The following AP1G1 variants were observed in gnomAD, a reference collection of about 807,000 sequenced individuals.
AP1G1 encodes the protein adaptor related protein complex 1 subunit gamma 1, also known as AP-1 complex subunit gamma-1.
Under a neutral mutation model 108.3 loss-of-function variants are expected in AP1G1, and 7 were observed. The observed-to-expected ratio is 0.06, with a 90% CI of 0.04 to 0.12. The LOEUF (loss-of-function observed/expected upper bound fraction) is 0.12. Ranked by LOEUF, AP1G1 falls within the 10% of genes least tolerant of loss-of-function variation. AP1G1 has a pLI of 1.00. For missense variants in AP1G1, 756 were observed against 1,010.7 expected (o/e 0.75, Z 3.42); for synonymous variants, 379 against 353.5 (o/e 1.07, Z -0.81).
chr16:71,799,059 G>A (rs911472843), intron 1 of AP1G1, among the ~76,000 whole-genome samples: 6 of 152,000 alleles, frequency 3.9e-5, no homozygotes, highest in African/African-American at 1.2e-4. Context: ...GCTATTATAC[G>A]TATCAAATAA....
At position 71,731,307 on chromosome 16, in the gene AP1G1, G is replaced by GT. The variant is rs2045472840; in HGVS notation, c.*1750dup. ...CACTAGTAAGACCAGAAACTTTCCC[G>GT]TGGAGCCTTTAGTTCAACTCCAGTT... On this transcript the variant is annotated 3_prime_UTR_variant, in exon 23 of 23. Coordinates refer to ENST00000299980, the MANE Select transcript of AP1G1 (RefSeq NM_001128.6). 1 of 152,584 alleles carries GT rather than the reference G, an allele frequency of 6.6e-6. No individual in the cohort carries two copies. The highest frequency in any genetic ancestry group is 1.5e-5 in the Non-Finnish European group (1 of 68,038). The allele number at this position is 152,584 out of a possible 1,614,324, so 9.5% of individuals were successfully genotyped here.
chr16:71,750,223 C>T lies in AP1G1; in HGVS notation c.1394G>A (p.Gly465Asp), dbSNP rs760808998. 4 of 1,613,664 alleles carry T rather than the reference C, an allele frequency of 2.5e-6. No homozygotes were observed. The highest frequency in any genetic ancestry group is 2.2e-5 in the East Asian group (1 of 44,878). ...TVQRLYKAIL[G>D]DYSQQPLVQV... is the part of the protein sequence containing the mutation. Reference sequence around the variant, plus strand: ...TGAAGTACTTACTTGAGAATAATCACCAAGAATTGCTTTGTACAGGCGCTG... The same window carrying T: ...TGAAGTACTTACTTGAGAATAATCATCAAGAATTGCTTTGTACAGGCGCTG... Residue 465 changes from glycine to aspartate, a missense_variant, in exon 14 of 23, where the codon GGT (glycine) becomes GAT (aspartate). By Grantham distance (94) the Gly-to-Asp change is moderately conservative. Transcript: ENST00000299980.
intron 1 of AP1G1, among the ~76,000 whole-genome samples, chr16:71,797,264 T>G (rs371127220): frequency 6.6e-6 from 1 of 152,148 alleles, no homozygotes; most frequent in East Asian, 1.9e-4. Flanking sequence ...ATAATTAATG[T>G]TGAAGGAGGT....
intron 1 of AP1G1, among the ~76,000 whole-genome samples, chr16:71,799,178 T>C (rs2032695035): frequency 6.6e-6 from 1 of 152,152 alleles, no homozygotes; most frequent in Non-Finnish European, 1.5e-5. Context: ...AGTGGTTTCA[T>C]GATATGGAGA....
chr16:71,779,823 G>A (rs996222188), intron 2 of AP1G1, among the ~76,000 whole-genome samples: 1 of 151,878 alleles, frequency 6.6e-6, no homozygotes, highest in Non-Finnish European at 1.5e-5. Context: ...GAACAGTTTC[G>A]CACACGGTCA....
chr16:71,774,326 T>C, intron 3 of AP1G1, 142 bp downstream of exon 3: 2 of 786,864 alleles, frequency 2.5e-6, no homozygotes, highest in Admixed American at 3.6e-5. Flanking sequence ...GGGAGGACGG[T>C]GGCAGCGGAG....
chr16:71,775,555 T>A (rs1354012406), intron 2 of AP1G1, among the ~76,000 whole-genome samples: 1 of 152,076 alleles, frequency 6.6e-6, no homozygotes, highest in African/African-American at 2.4e-5. Context: ...TTACATTAAA[T>A]GAGCACCTAA....
intron 13 of AP1G1, chr16:71,751,166 A>G (rs1462859081): frequency 6.6e-6 from 1 of 151,640 alleles, no homozygotes; most frequent in Admixed American, 6.6e-5. Context: ...AAAAAAAAAA[A>G]AAAAAAATTT....
rs768431205 is a variant in AP1G1, at chr16:71,765,472, C to T, written c.738+17G>A. 2.1e-5 allele frequency: 32 copies of T among 1,556,632 alleles called. No individual in the cohort carries two copies. The highest frequency in any genetic ancestry group is 3.4e-5 in the Admixed American group (2 of 58,668). ...AAATTCATATAACATTTATTTAAAA[C>T]GTTCTTTCAACCTCACCTGCAAAAA... is the stretch of plus-strand genomic sequence containing the variant. On this transcript the variant is annotated intron_variant, in intron 7 of 22. Transcript: ENST00000299980.
intron 19 of AP1G1, among the ~76,000 whole-genome samples, chr16:71,744,695 C>G (rs1454462203): frequency 1.3e-5 from 2 of 151,236 alleles, no homozygotes; most frequent in African/African-American, 4.9e-5. Context: ...CCTGCCTCAG[C>G]CTCCGGAGTA....
intron 9 of AP1G1, among the ~76,000 whole-genome samples, chr16:71,763,256 T>A (rs970862753): frequency 6.6e-6 from 1 of 152,170 alleles, no homozygotes; most frequent in Non-Finnish European, 1.5e-5. Context: ...GAGTAAAAAG[T>A]AGAAAAAACA....
chr16:71,761,216 C>A (rs2031067647), intron 10 of AP1G1, among the ~76,000 whole-genome samples: 1 of 152,092 alleles, frequency 6.6e-6, no homozygotes, highest in Non-Finnish European at 1.5e-5. Flanking sequence ...TGCTAAGGGG[C>A]AGAGGTGAGT....
intron 1 of AP1G1, among the ~76,000 whole-genome samples, chr16:71,804,221 A>AT (rs1357644650): frequency 6.7e-6 from 1 of 150,032 alleles, no homozygotes; most frequent in Non-Finnish European, 1.5e-5. Flanking sequence ...TAATTTTTCT[A>AT]TTTTTTTGTA....
Position 71,764,330 on chromosome 16 carries a change from A to G in AP1G1, c.918+20T>C. The G allele has an allele frequency of 6.7e-7, 1 of 1,485,360 alleles. No homozygotes were observed. Among genetic ancestry groups the G allele is most frequent in the Non-Finnish European group, 9.3e-7 (1 of 1,076,820 alleles). The allele number at this position is 1,485,360 out of a possible 1,614,324, so 92.0% of individuals were successfully genotyped here. ...AAGTGAAACATTTAGGGGGGGAAGA[A>G]AAGATTCAAAAAGACTTACTCGCAA... On this transcript the variant is annotated intron_variant, in intron 9 of 22. Coordinates refer to ENST00000299980, the MANE Select transcript of AP1G1 (RefSeq NM_001128.6).
rs2045460952 is a variant in AP1G1 at position 71,729,778 on chromosome 16, C to A, written c.*3280G>T. On this transcript the variant is annotated 3_prime_UTR_variant, in exon 23 of 23. Coordinates refer to ENST00000299980, the MANE Select transcript of AP1G1 (RefSeq NM_001128.6). ...CTCCCAACTACAAAGTTCATGAACA[C>A]CCACTTTTTCCTCTCTAGTTTTCTC... 1 of 152,618 alleles carries A rather than the reference C, an allele frequency of 6.6e-6. No individual in the cohort carries two copies. Among genetic ancestry groups the A allele is most frequent in the Non-Finnish European group, 1.5e-5 (1 of 68,034 alleles). The allele number at this position is 152,618 out of a possible 1,614,324, so 9.5% of individuals were successfully genotyped here.
intron 1 of AP1G1, among the ~76,000 whole-genome samples, chr16:71,807,033 C>T (rs1186949804): frequency 1.3e-5 from 2 of 152,194 alleles, no homozygotes; most frequent in South Asian, 2.1e-4. Flanking sequence ...AAGTTAATTT[C>T]TCTTTTGCAG....
In AP1G1 at chr16:71,738,984, C is replaced by G; in HGVS notation, c.2226G>C (p.Glu742Asp). 6.2e-7 allele frequency: 1 copy of G among 1,614,078 alleles called. No homozygotes were observed. The change falls in exon 21 of 23, where the codon GAG (glutamate) becomes GAC (aspartate). Residue 742 changes from glutamate (E) to aspartate (D), a missense_variant. Physicochemically the swap from Glu to Asp is conservative, Grantham distance 45 (BLOSUM62 2). Coordinates refer to ENST00000299980, the MANE Select transcript of AP1G1 (RefSeq NM_001128.6). ...GGAAAACAAAGTCCGTCATATCTAG[C>G]TCTGTGCTGTTGGAGGCCTGTATCG... ...VITIQASNSTELDMTDFVFQA... is the reference protein window; with the variant it reads ...VITIQASNSTDLDMTDFVFQA...
intron 1 of AP1G1, among the ~76,000 whole-genome samples, chr16:71,791,257 A>T (rs1052709991): frequency 6.6e-6 from 1 of 151,940 alleles, no homozygotes; most frequent in Non-Finnish European, 1.5e-5. Context: ...CAAAAACAAA[A>T]AATCCTCACA....
chr16:71,759,053 G>C, intron 10 of AP1G1, 132 bp from the exon 11 acceptor site: 1 of 609,738 alleles, frequency 1.6e-6, no homozygotes, highest in Non-Finnish European at 2.8e-6. Context: ...AAGAAAGTTA[G>C]TGAACATAAA....
Sources: allele counts gnomAD v4.1 joint callset (sites outside exome capture counted in the v4.1 genomes callset), GRCh38; gene constraint gnomAD v4.1.1; transcripts MANE v1.5; gene names NCBI Gene and HGNC (gene_info 2026-07-23, HGNC 2026-07-21).